Variants in NELL2 observed in about 807,000 individuals in gnomAD.
NELL2 encodes neural EGFL like 2, also known as protein kinase C-binding protein NELL2.
A neutral mutation model predicts 109.6 loss-of-function variants in NELL2; 41 were observed. That is an observed-to-expected ratio of 0.37 (90% CI 0.29 to 0.49). The LOEUF is 0.49. NELL2 is among the 20% of genes least tolerant of loss of function. The pLI, the probability that NELL2 is intolerant of heterozygous loss-of-function variation, is 0.98. For missense variants in NELL2, 900 were observed against 1,008.3 expected, an observed-to-expected ratio of 0.89 and a Z score of 1.45; for synonymous variants, 355 against 344.7, an observed-to-expected ratio of 1.03 and a Z score of -0.33.
chr12:44,814,451 G>A (rs1943272695), intron 3 of NELL2, among the ~76,000 whole-genome samples: 1 of 152,208 alleles, frequency 6.6e-6, no homozygotes, highest in South Asian at 2.1e-4. Flanking sequence ...CATGGGCAGA[G>A]ACACACTGCT....
intron 3 of NELL2, among the ~76,000 whole-genome samples, chr12:44,809,067 A>G (rs1294734726): frequency 6.6e-6 from 1 of 152,048 alleles, no homozygotes; most frequent in Admixed American, 6.6e-5. Context: ...ACAAATTTGT[A>G]TATCTAAAGT....
At chr12:44,670,699 G>A (rs1948109006) in intron 12 of NELL2, among the ~76,000 whole-genome samples, 1 of 151,768 alleles carries the variant, frequency 6.6e-6, no homozygotes, top group Admixed American at 6.6e-5. Context: ...ACATAAAAAG[G>A]GCCAAAGTAG....
chr12:44,848,031 A>C (rs944515735), intron 2 of NELL2, among the ~76,000 whole-genome samples: 11 of 97,534 alleles, frequency 1.1e-4, no homozygotes, highest in African/African-American at 4.2e-4. Context: ...ACTCTGTCTC[A>C]AAAAAAAAAA....
At chr12:44,578,765 T>G (rs1255885639) in intron 15 of NELL2, among the ~76,000 whole-genome samples, 3 of 151,992 alleles carry the variant, frequency 2.0e-5, no homozygotes, top group Non-Finnish European at 4.4e-5. Flanking sequence ...ATGGTGCATA[T>G]AGGTTTTCTT....
chr12:44,774,913 G>T (rs376303793), intron 8 of NELL2, 64 bp from the exon 9 acceptor site: 4 of 1,265,258 alleles, frequency 3.2e-6, no homozygotes, highest in East Asian at 2.3e-5. Context: ...AAGAATTTTT[G>T]AATTCATTCC....
intron 2 of NELL2, among the ~76,000 whole-genome samples, chr12:44,849,566 AC>A (rs1944471719): frequency 6.6e-6 from 1 of 152,232 alleles, no homozygotes; most frequent in African/African-American, 2.4e-5. Flanking sequence ...ACAAAATGGT[AC>A]AATCACTTAG....
intron 9 of NELL2, among the ~76,000 whole-genome samples, chr12:44,761,795 G>C (rs1171512559): frequency 6.6e-6 from 1 of 152,118 alleles, no homozygotes; most frequent in African/African-American, 2.4e-5. Context: ...ATCAAATACT[G>C]CATGTTCTCA....
chr12:44,857,703 T>C (rs1944723371), intron 2 of NELL2, among the ~76,000 whole-genome samples: 2 of 152,208 alleles, frequency 1.3e-5, no homozygotes, highest in African/African-American at 4.8e-5. Flanking sequence ...GGGGTTGCTG[T>C]AGAGAGGAGC....
chr12:44,564,647 C>T (rs1224794964), intron 15 of NELL2, among the ~76,000 whole-genome samples: 1 of 152,068 alleles, frequency 6.6e-6, no homozygotes, highest in African/African-American at 2.4e-5. Flanking sequence ...TATAAAATTG[C>T]CTGTGAGGAC....
chr12:44,887,962 T>C (rs911355769), intron 1 of NELL2, among the ~76,000 whole-genome samples: 11 of 152,026 alleles, frequency 7.2e-5, no homozygotes, highest in Non-Finnish European at 1.3e-4. Context: ...GTTTCATAGT[T>C]TCAGTATTAG....
At chr12:44,743,364 C>T (rs7488227) in intron 9 of NELL2, among the ~76,000 whole-genome samples, 8,097 of 152,152 alleles carry the variant, frequency 0.053, 657 homozygotes, top group African/African-American at 0.18. Context: ...ATTGTAAAGA[C>T]CATCGAGGCT....
intron 12 of NELL2, among the ~76,000 whole-genome samples, chr12:44,666,730 T>C (rs1947937480): frequency 6.6e-6 from 1 of 152,232 alleles, no homozygotes; most frequent in Non-Finnish European, 1.5e-5. Flanking sequence ...CAATTTTCTA[T>C]TCAATTCCAT....
chr12:44,647,892 G>A (rs1947151401), intron 13 of NELL2, among the ~76,000 whole-genome samples: 2 of 152,176 alleles, frequency 1.3e-5, no homozygotes, highest in African/African-American at 4.8e-5. Flanking sequence ...AATGTTATGA[G>A]ATTAATGACA....
intron 3 of NELL2, among the ~76,000 whole-genome samples, chr12:44,810,268 A>T (rs1943130983): frequency 6.6e-6 from 1 of 152,156 alleles, no homozygotes; most frequent in African/African-American, 2.4e-5. Flanking sequence ...CCTTGACAGC[A>T]GAAAACCTTA....
At chr12:44,631,168 A>T (rs1488195696) in intron 13 of NELL2, among the ~76,000 whole-genome samples, 1 of 151,034 alleles carries the variant, frequency 6.6e-6, no homozygotes, top group African/African-American at 2.4e-5. Context: ...AAATAGGTCT[A>T]TGTCTTTTAC....
intron 9 of NELL2, among the ~76,000 whole-genome samples, chr12:44,767,686 G>T (rs1335037552): frequency 6.6e-6 from 1 of 152,018 alleles, no homozygotes. Context: ...GGGATAATAT[G>T]CAACTATTTT....
intron 13 of NELL2, 38 bp from the exon 14 acceptor site, chr12:44,611,008 A>G: frequency 6.2e-7 from 1 of 1,603,238 alleles, no homozygotes; most frequent in Non-Finnish European, 8.5e-7. Context: ...TCAAAGTTAT[A>G]TTTCCAAAGC....
At chr12:44,815,799 A>G (rs921291024) in intron 3 of NELL2, 187 bp downstream of exon 3, 5 of 516,018 alleles carry the variant, frequency 9.7e-6, no homozygotes, top group Non-Finnish European at 1.6e-5. Context: ...TTGTATTTTT[A>G]GAAGAGACAG....
chr12:44,745,372 T>G (rs540175884), intron 9 of NELL2, among the ~76,000 whole-genome samples: 2 of 152,208 alleles, frequency 1.3e-5, no homozygotes, highest in South Asian at 4.1e-4. Context: ...CTGGAAGCAT[T>G]CCCTTTGAAA....
Sources: gnomAD v4.1 joint callset for allele counts (sites outside exome capture counted in the v4.1 genomes callset) on GRCh38, gnomAD v4.1.1 for gene constraint, MANE v1.5 for transcripts, NCBI Gene and HGNC (gene_info 2026-07-23, HGNC 2026-07-21) for gene names.